The following MEIS2 variants were observed in gnomAD, a reference collection of about 807,000 sequenced individuals.
MEIS2 encodes Meis homeobox 2.
In MEIS2, 9 loss-of-function variants were observed where a neutral mutation model predicts 58.6. That is an observed-to-expected ratio of 0.15 (90% confidence interval 0.09 to 0.27). The LOEUF (loss-of-function observed/expected upper bound fraction) is 0.27, where lower values mean the gene tolerates loss of function less well. Ranked by LOEUF, MEIS2 falls within the 10% of genes least tolerant of loss-of-function variation. The pLI, the probability that MEIS2 is intolerant of heterozygous loss-of-function variation, is 1.00. For synonymous variants in MEIS2, 221 were observed against 228.4 expected, an observed-to-expected ratio of 0.97 and a Z score of 0.29; for missense variants, 427 against 635.0, an observed-to-expected ratio of 0.67 and a Z score of 3.52.
At chr15:37,059,496 A>G (rs572566207) in intron 7 of MEIS2, among the ~76,000 whole-genome samples, 1 of 152,336 alleles carries the variant, frequency 6.6e-6, no homozygotes, top group South Asian at 2.1e-4. Context: ...ACAGCTAAGC[A>G]TTACGTGCAC....
intron 8 of MEIS2, among the ~76,000 whole-genome samples, chr15:37,021,607 C>G (rs1314449620): frequency 6.6e-6 from 1 of 152,200 alleles, no homozygotes; most frequent in East Asian, 1.9e-4. Flanking sequence ...CTCTGTTTCT[C>G]TCTCTTATTC....
At chr15:36,918,114 C>T (rs924522828) in intron 9 of MEIS2, among the ~76,000 whole-genome samples, 4 of 152,158 alleles carry the variant, frequency 2.6e-5, no homozygotes, top group African/African-American at 9.7e-5. Context: ...GTATAACAAG[C>T]CACATTTGTC....
At chr15:36,908,007 A>G (rs1457612588) in intron 9 of MEIS2, among the ~76,000 whole-genome samples, 2 of 152,202 alleles carry the variant, frequency 1.3e-5, no homozygotes, top group Non-Finnish European at 2.9e-5. Context: ...GCATCTAACA[A>G]TAGCTTTAAA....
intron 8 of MEIS2, among the ~76,000 whole-genome samples, chr15:36,974,626 T>C (rs1245266600): frequency 6.6e-6 from 1 of 152,180 alleles, no homozygotes; most frequent in East Asian, 1.9e-4. Context: ...GATGTTTAAG[T>C]CTGTGGCTTT....
rs550521554 is a variant in MEIS2 at position 36,935,950 on chromosome 15, T to C, written c.977+14374A>G. Among the ~76,000 whole-genome samples, 12 of 152,338 alleles carry C rather than the reference T, an allele frequency of 7.9e-5. No homozygotes were observed. The East Asian group carries it at 1.9e-3, about 24-fold the overall frequency. ...AATTGACAGGAATATTATTTTACAT[T>C]ATGAATTCCCCATTACCTGCAAATA... On this transcript the variant is annotated intron_variant, in intron 9 of 11. Coordinates refer to ENST00000561208, the MANE Select transcript of MEIS2 (RefSeq NM_170675.5).
At chr15:37,097,850 G>T in intron 2 of MEIS2, 117 bp downstream of exon 2, 2 of 1,389,342 alleles carry the variant, frequency 1.4e-6, no homozygotes, top group Non-Finnish European at 1.9e-6. Flanking sequence ...AGCGGCGCCC[G>T]CCCCCCACCA....
chr15:37,043,630 C>T (rs888179989), intron 7 of MEIS2, among the ~76,000 whole-genome samples: 6 of 150,100 alleles, frequency 4.0e-5, no homozygotes, highest in East Asian at 2.0e-4. Context: ...TTCTATAGTT[C>T]GTAGGTGTTT....
At chr15:36,910,999 C>G (rs372947560) in intron 9 of MEIS2, among the ~76,000 whole-genome samples, 1 of 147,566 alleles carries the variant, frequency 6.8e-6, no homozygotes, top group Non-Finnish European at 1.5e-5. Flanking sequence ...GAGCTGAGAT[C>G]GCGCCACTGC....
intron 8 of MEIS2, among the ~76,000 whole-genome samples, chr15:36,983,929 T>C (rs1184858850): frequency 6.6e-6 from 1 of 152,126 alleles, no homozygotes; most frequent in East Asian, 1.9e-4. Flanking sequence ...TCTTAATTTC[T>C]TTCTCTGTTC....
intron 7 of MEIS2, among the ~76,000 whole-genome samples, chr15:37,037,195 T>G (rs1326447452): frequency 1.3e-5 from 2 of 152,218 alleles, no homozygotes; most frequent in Non-Finnish European, 2.9e-5. Flanking sequence ...CAATTATAAC[T>G]GTGCACTTGA....
intron 6 of MEIS2, among the ~76,000 whole-genome samples, chr15:37,086,846 A>G (rs1422829048): frequency 6.6e-6 from 1 of 152,234 alleles, no homozygotes; most frequent in Non-Finnish European, 1.5e-5. Flanking sequence ...GTCAACAAAA[A>G]ATTGTTCCTC....
chr15:36,912,532 G>A lies in MEIS2; in HGVS notation c.978-15846C>T, dbSNP rs77630563. Among the ~76,000 whole-genome samples the A allele has an allele frequency of 5.8e-3, 890 of 152,298 alleles. 10 individuals carry two copies. The highest frequency in any genetic ancestry group is 0.02 in the African/African-American group (829 of 41,558). On this transcript the variant is annotated intron_variant, in intron 9 of 11. Transcript: ENST00000561208. Reference sequence around the variant, plus strand: ...AAAGCAAACTGTACAATAAAGGAAGGAGGCAAGAAGGTGCAGGGACCTTTT... The same window carrying A: ...AAAGCAAACTGTACAATAAAGGAAGAAGGCAAGAAGGTGCAGGGACCTTTT...
intron 7 of MEIS2, among the ~76,000 whole-genome samples, chr15:37,070,717 G>C (rs1245101399): frequency 6.6e-6 from 1 of 151,950 alleles, no homozygotes; most frequent in African/African-American, 2.4e-5. Flanking sequence ...GTCATCCCTA[G>C]GTGTTAATAA....
chr15:36,896,163 A>G (rs985238923), intron 10 of MEIS2, among the ~76,000 whole-genome samples: 3 of 152,240 alleles, frequency 2.0e-5, no homozygotes, highest in Non-Finnish European at 4.4e-5. Flanking sequence ...ATAAAAAATA[A>G]TGGTGGCAAT....
chr15:37,023,016 T>C (rs1349455014), intron 8 of MEIS2, among the ~76,000 whole-genome samples: 1 of 152,240 alleles, frequency 6.6e-6, no homozygotes, highest in African/African-American at 2.4e-5. Context: ...ACTAATCCTT[T>C]GCCTGTTATA....
At chr15:37,063,826 C>A (rs548880428) in intron 7 of MEIS2, among the ~76,000 whole-genome samples, 2 of 152,024 alleles carry the variant, frequency 1.3e-5, no homozygotes, top group African/African-American at 4.8e-5. Context: ...TTTCTCCTTC[C>A]TAATAGCATA....
At chr15:37,084,461 A>T (rs527322648) in intron 6 of MEIS2, among the ~76,000 whole-genome samples, 1 of 152,330 alleles carries the variant, frequency 6.6e-6, no homozygotes, top group South Asian at 2.1e-4. Flanking sequence ...TATAACCAAC[A>T]AAGGTAATGA....
intron 8 of MEIS2, among the ~76,000 whole-genome samples, chr15:36,983,827 T>C (rs1437292240): frequency 1.3e-5 from 2 of 152,144 alleles, no homozygotes; most frequent in South Asian, 4.1e-4. Flanking sequence ...CTTTCATCCA[T>C]GTTCTACAGT....
chr15:36,970,425 C>T (rs964412416), intron 8 of MEIS2, among the ~76,000 whole-genome samples: 2 of 148,250 alleles, frequency 1.3e-5, no homozygotes. Flanking sequence ...AAAGTGCAAA[C>T]ATTTGTGTGT....
Sources: gnomAD v4.1 joint callset for allele counts (sites outside exome capture counted in the v4.1 genomes callset) on GRCh38, gnomAD v4.1.1 for gene constraint, MANE v1.5 for transcripts, NCBI Gene and HGNC (gene_info 2026-07-23, HGNC 2026-07-21) for gene names.